The following PHTF2 variants were observed in gnomAD, a reference collection of about 807,000 sequenced individuals.
PHTF2 encodes the protein protein PHTF2.
Under a neutral mutation model 101.2 loss-of-function variants are expected in PHTF2, and 60 were observed. The ratio of observed to expected loss-of-function variants is 0.59; its 90% CI spans 0.48 to 0.73. The LOEUF (loss-of-function observed/expected upper bound fraction) is 0.73. Ranked by LOEUF, PHTF2 falls within the 30% of genes least tolerant of loss-of-function variation. PHTF2 has a pLI of 0.00. For missense variants in PHTF2, 747 were observed against 908.7 expected (o/e 0.82, Z 2.29); for synonymous variants, 311 against 307.3 (o/e 1.01, Z -0.13).
intron 3 of PHTF2, among the ~76,000 whole-genome samples, chr7:77,892,068 G>C (rs1800476471): frequency 6.6e-6 from 1 of 152,216 alleles, no homozygotes; most frequent in Non-Finnish European, 1.5e-5. Context: ...ACGAGGTCAG[G>C]AGATCGAGAC....
chr7:77,922,809 C>G (rs919291920), intron 11 of PHTF2, 31 bp downstream of exon 10: 1 of 1,433,532 alleles, frequency 7.0e-7, no homozygotes, highest in African/African-American at 1.4e-5. Flanking sequence ...TGTATACATA[C>G]GTATCTATTT....
intron 3 of PHTF2, among the ~76,000 whole-genome samples, chr7:77,876,217 G>C (rs1164209636): frequency 6.6e-6 from 1 of 152,162 alleles, no homozygotes; most frequent in Non-Finnish European, 1.5e-5. Flanking sequence ...TTTGTCATCT[G>C]TGTCTCATTC....
At chr7:77,942,181 C>T (rs1048003348) in intron 15 of PHTF2, among the ~76,000 whole-genome samples, 6 of 152,140 alleles carry the variant, frequency 3.9e-5, no homozygotes, top group Non-Finnish European at 7.3e-5. Flanking sequence ...TTCACAGGCC[C>T]GCACTCCTAA....
rs567886811 is a variant in PHTF2, at chr7:77,900,065, C to G, written c.217-646C>G. ...AATTTTACTCAGTGTTCAATAATTT[C>G]AAGTTTAAATGAATTCAGTTTATGA... is the stretch of plus-strand genomic sequence containing the variant. On this transcript the variant is annotated intron_variant, in intron 5 of 19. Transcript: ENST00000416283. Among the ~76,000 whole-genome samples, 4 of 152,138 alleles carry G rather than the reference C, an allele frequency of 2.6e-5. No individual in the cohort carries two copies. In the South Asian group the frequency reaches 8.3e-4, roughly 32 times the overall value.
chr7:77,829,530 G>A (rs1794927205), intron 1 of PHTF2, among the ~76,000 whole-genome samples: 1 of 152,058 alleles, frequency 6.6e-6, no homozygotes, highest in African/African-American at 2.4e-5. Flanking sequence ...AATTAAAATT[G>A]TTCTTATAAG....
Position 77,903,487 on chromosome 7 carries a change from A to G in PHTF2, c.445+1567A>G, listed in dbSNP as rs114171171. On this transcript the variant is annotated intron_variant, in intron 7 of 19. Transcript: ENST00000416283. ...GCTGCTTTCTAGTATTCCACGACAA[A>G]CAAGTTTCCAATGTAACTAAAAGTT... Among the ~76,000 whole-genome samples, 1,321 of 152,308 alleles carry G rather than the reference A, an allele frequency of 8.7e-3. 22 individuals are homozygous for G. The highest frequency in any genetic ancestry group is 0.03 in the African/African-American group (1,241 of 41,552).
intron 3 of PHTF2, among the ~76,000 whole-genome samples, chr7:77,871,528 T>C (rs1232935325): frequency 6.6e-6 from 1 of 152,178 alleles, no homozygotes; most frequent in Non-Finnish European, 1.5e-5. Flanking sequence ...GCAAAAATTT[T>C]ACTAGTGTAT....
chr7:77,938,558 G>T (rs945223740), intron 13 of PHTF2, among the ~76,000 whole-genome samples: 4 of 149,280 alleles, frequency 2.7e-5, no homozygotes, highest in African/African-American at 9.7e-5. Flanking sequence ...GTGAAACCCC[G>T]TCTCTACTAA....
intron 3 of PHTF2, among the ~76,000 whole-genome samples, chr7:77,873,804 T>C (rs1363572519): frequency 1.3e-5 from 2 of 152,182 alleles, no homozygotes; most frequent in Non-Finnish European, 2.9e-5. Flanking sequence ...TTCTTTTCTA[T>C]CAATGCCCTC....
In PHTF2 at chr7:77,850,360, C is replaced by CAAA. The variant is rs71082789; in HGVS notation, c.46-4350_46-4348dup. 9.7e-3 allele frequency among the ~76,000 whole-genome samples: 432 copies of CAAA among 44,374 alleles called. 29 individuals are homozygous for CAAA. The highest frequency in any genetic ancestry group is 0.014 in the Non-Finnish European group (332 of 24,576). 29.1% of individuals were successfully genotyped at this position (44,374 alleles called of 152,430 possible). A position where few individuals can be genotyped will look rare whatever the true frequency, so the allele number is the denominator to read the frequency against. On this transcript the variant is annotated intron_variant, in intron 2 of 19. Transcript: ENST00000416283. ...TGAAAGACAAAGCAAGACCTTGTCT[C>CAAA]AAAAAAAAAAAAAAAAAAAAAAAAA...
chr7:77,892,627 T>TA (rs757414457), intron 3 of PHTF2, among the ~76,000 whole-genome samples: 13 of 152,286 alleles, frequency 8.5e-5, no homozygotes, highest in Admixed American at 2.0e-4. Context: ...TAGTCACAGT[T>TA]ATATGGTGTT....
rs1584624358 is a variant in PHTF2, at chr7:77,893,978, A to G, written c.205-4A>G. On this transcript the variant is annotated splice_region_variant and splice_polypyrimidine_tract_variant and intron_variant, in intron 4 of 19. Transcript: ENST00000416283. ...CCTTTTGATGCTGTCATTGCTCTGT[A>G]CAGTTTATTAAACTGGTAAGTGTTT... 6.3e-7 allele frequency: 1 copy of G among 1,597,442 alleles called. No homozygotes were observed. The highest frequency in any genetic ancestry group is 1.1e-5 in the South Asian group (1 of 90,706).
intron 9 of PHTF2, among the ~76,000 whole-genome samples, chr7:77,919,677 T>A (rs1562949756): frequency 1.3e-5 from 2 of 152,200 alleles, no homozygotes; most frequent in Non-Finnish European, 2.9e-5. Flanking sequence ...ATAAGCTGCA[T>A]GATTGCTAAT....
At chr7:77,950,419 G>C (rs760722012) in intron 17 of PHTF2, among the ~76,000 whole-genome samples, 10 of 152,108 alleles carry the variant, frequency 6.6e-5, no homozygotes, top group Non-Finnish European at 1.2e-4. Flanking sequence ...TCAGCACTTT[G>C]GGAGGGTAAG....
chr7:77,871,403 C>G (rs1373717573), intron 3 of PHTF2, among the ~76,000 whole-genome samples: 2 of 152,166 alleles, frequency 1.3e-5, no homozygotes, highest in Non-Finnish European at 2.9e-5. Flanking sequence ...CCCAAAGTGT[C>G]CAGGTGGCAA....
intron 3 of PHTF2, among the ~76,000 whole-genome samples, chr7:77,857,921 C>T (rs940748912): frequency 6.6e-6 from 1 of 152,078 alleles, no homozygotes; most frequent in African/African-American, 2.4e-5. Flanking sequence ...TACTTTATTT[C>T]ATGGATTAAA....
In PHTF2 at chr7:77,853,608, G is replaced by T. The variant is rs186595523; in HGVS notation, c.46-1125G>T. ...AGGGTTTCAACATGTTGCCCCGGCT[G>T]GTCTCAAACTTCTGAGCTCAAGCAA... On this transcript the variant is annotated intron_variant, in intron 2 of 19. Coordinates refer to ENST00000416283, the Ensembl canonical transcript of PHTF2. 1.5e-3 allele frequency among the ~76,000 whole-genome samples: 228 copies of T among 152,032 alleles called. 1 individual carries two copies. The highest frequency in any genetic ancestry group is 4.2e-3 in the South Asian group (20 of 4,812).
rs751542223 is a variant in PHTF2, at chr7:77,908,784, T to C, written c.446-9T>C. 2.6e-6 allele frequency: 4 copies of C among 1,532,778 alleles called. No individual in the cohort carries two copies. Among genetic ancestry groups the C allele is most frequent in the Non-Finnish European group, 3.5e-6 (4 of 1,130,098 alleles). The allele number at this position is 1,532,778 out of a possible 1,614,324, so 94.9% of individuals were successfully genotyped here. ...TATAATTAAGCATATTTTCTTTCCC[T>C]TTTTATAGTTGCTGCAATAGTATTA... is the stretch of plus-strand genomic sequence containing the variant. On this transcript the variant is annotated splice_polypyrimidine_tract_variant and intron_variant, in intron 7 of 19. Coordinates refer to ENST00000416283, the Ensembl canonical transcript of PHTF2.
intron 8 of PHTF2, 166 bp downstream of exon 7, chr7:77,909,124 T>C: frequency 2.0e-6 from 1 of 503,346 alleles, no homozygotes; most frequent in Non-Finnish European, 3.5e-6. Flanking sequence ...AGTTTCCATA[T>C]TTGCTTCAAG....
Sources: gnomAD v4.1 joint callset for allele counts (sites outside exome capture counted in the v4.1 genomes callset) on GRCh38, gnomAD v4.1.1 for gene constraint, MANE v1.5 for transcripts, NCBI Gene and HGNC (gene_info 2026-07-23, HGNC 2026-07-21) for gene names.